The following TAGLN variants were observed in gnomAD, a reference collection of about 807,000 sequenced individuals.
TAGLN encodes 22 kDa actin-binding protein.
TAGLN carries 16 observed loss-of-function variants against 21.9 expected under a neutral mutation model. The ratio of observed to expected loss-of-function variants is 0.73; its 90% CI spans 0.49 to 1.11. TAGLN has a LOEUF of 1.11. Among genes scored for constraint, TAGLN ranks in the 50% least tolerant of loss-of-function variants. The pLI, the probability that TAGLN is intolerant of heterozygous loss-of-function variation, is 0.00. For synonymous variants in TAGLN, 96 were observed against 94.9 expected (o/e 1.01, Z -0.06); for missense variants, 248 against 263.2 (o/e 0.94, Z 0.40).
chr11:117,207,028 GTGAC>G lies in TAGLN; in HGVS notation c.*2672_*2675del. ...GGGCTCCCTAGGCGGCCCTTCCCCT[GTGAC>G]TGGCCTTCCCTCTGACACATGCGGC... is the stretch of plus-strand genomic sequence containing the variant. On this transcript the variant is annotated 3_prime_UTR_variant, in exon 5 of 5. Transcript: ENST00000392951. The G allele has an allele frequency of 6.5e-7, 1 of 1,531,764 alleles. No individual in the cohort carries two copies. The highest frequency in any genetic ancestry group is 1.1e-5 in the South Asian group (1 of 87,476). The allele number at this position is 1,531,764 out of a possible 1,614,324, so 94.9% of individuals were successfully genotyped here.
intron 1 of TAGLN, chr11:117,200,280 G>C (rs2031035829): frequency 6.6e-6 from 1 of 152,236 alleles, no homozygotes; most frequent in Admixed American, 6.5e-5. Flanking sequence ...TTTGGGAAGA[G>C]AGAAGGGGCA....
Position 117,203,998 on chromosome 11 carries a change from G to T in TAGLN, c.461+114G>T, listed in dbSNP as rs1434040534. The T allele has an allele frequency of 1.8e-6, 2 of 1,113,672 alleles. No individual in the cohort carries two copies. Among genetic ancestry groups the T allele is most frequent in the African/African-American group, 3.1e-5 (2 of 64,142 alleles). 69.0% of individuals were successfully genotyped at this position (1,113,672 alleles called of 1,614,324 possible). On this transcript the variant is annotated intron_variant, in intron 4 of 4. Coordinates refer to ENST00000392951, the MANE Select transcript of TAGLN (RefSeq NM_003186.5). The surrounding 1 kb of genome is among the most constrained non-coding windows in gnomAD (Gnocchi z 4.4). The stretch of plus-strand genomic sequence containing the variant: ...ATAGCCAAGAAAGGATAAAGTGAGG[G>T]TCTGGGATGGGGAATAATGGGTCCT...
chr11:117,199,824 AAGG>A (rs2031009319), intron 1 of TAGLN: 1 of 88,624 alleles, frequency 1.1e-5, no homozygotes, highest in Non-Finnish European at 3.5e-5. Context: ...GAGAACTTCC[AAGG>A]AGGTGAGGAG....
chr11:117,205,106 C>CAGAAAA lies in TAGLN; in HGVS notation c.*749_*754dup, dbSNP rs1420966766. 7 of 228,328 alleles carry CAGAAAA rather than the reference C, an allele frequency of 3.1e-5. No individual in the cohort carries two copies. The East Asian group carries it at 3.8e-4, about 12-fold the overall frequency. The allele number at this position is 228,328 out of a possible 1,614,324, so 14.1% of individuals were successfully genotyped here. On this transcript the variant is annotated 3_prime_UTR_variant, in exon 5 of 5. Coordinates refer to ENST00000392951, the MANE Select transcript of TAGLN (RefSeq NM_003186.5). ...AGGTTTTTATTTTGGAAAAGCTGTG[C>CAGAAAA]AGAAAAAAATTCAAGAAAATGTTGC...
At chr11:117,201,957 C>T (rs972706314) in intron 1 of TAGLN, 1 of 152,368 alleles carries the variant, frequency 6.6e-6, no homozygotes, top group African/African-American at 2.4e-5. Flanking sequence ...TTTCCTGTTC[C>T]TGTTCCCAGC....
rs780267555 is a variant in TAGLN at position 117,203,005 on chromosome 11, T to G, written c.-9T>G. 6.5e-7 allele frequency: 1 copy of G among 1,546,146 alleles called. No homozygotes were observed. Among genetic ancestry groups the G allele is most frequent in the Admixed American group, 1.9e-5 (1 of 51,286 alleles). On this transcript the variant is annotated 5_prime_UTR_variant, in exon 2 of 5. Coordinates refer to ENST00000392951, the MANE Select transcript of TAGLN (RefSeq NM_003186.5). This position sits in a 1 kb window ranked among gnomAD's most constrained non-coding sequence, Gnocchi z 4.4. ...CCTCCACCCTGGCCTGCTTTAGCTT[T>G]CCCCAGACATGGCCAACAAGGGTCC...
Position 117,204,672 on chromosome 11 carries a change from T to G in TAGLN, c.*313T>G. The stretch of plus-strand genomic sequence containing the variant: ...TAGCCTGGATGTGGGCCAAGTCCAC[T>G]GTCCTCCTTGGCGGCAAAAGCCCAT... On this transcript the variant is annotated 3_prime_UTR_variant, in exon 5 of 5. Coordinates refer to ENST00000392951, the MANE Select transcript of TAGLN (RefSeq NM_003186.5). 4.6e-6 allele frequency: 2 copies of G among 439,324 alleles called. No individual in the cohort carries two copies. The highest frequency in any genetic ancestry group is 4.5e-5 in the South Asian group (2 of 44,724). The allele number at this position is 439,324 out of a possible 1,614,324, so 27.2% of individuals were successfully genotyped here.
chr11:117,203,332 T>G lies in TAGLN; in HGVS notation c.206T>G (p.Leu69Arg). 6.2e-7 allele frequency: 1 copy of G among 1,614,214 alleles called. No individual in the cohort carries two copies. Among genetic ancestry groups the G allele is most frequent in the East Asian group, 2.2e-5 (1 of 44,886 alleles). The change falls in exon 3 of 5, where the codon CTG (leucine) becomes CGG (arginine). Residue 69 changes from leucine to arginine, a missense_variant. Physicochemically the swap from Leu to Arg is moderately radical, Grantham distance 102. Transcript: ENST00000392951. This position sits in a 1 kb window ranked among gnomAD's most constrained non-coding sequence, Gnocchi z 4.4. Reference protein sequence around the residue: ...GVILSKLVNSLYPDGSKPVKV... With the variant: ...GVILSKLVNSRYPDGSKPVKV... ...ATTCTGAGCAAGCTGGTGAACAGCC[T>G]GTACCCTGATGGCTCCAAGCCGGTG...
chr11:117,203,373 C>A lies in TAGLN; in HGVS notation c.247C>A (p.Pro83Thr), dbSNP rs1326374299. The A allele has an allele frequency of 1.9e-6, 3 of 1,614,166 alleles. No individual in the cohort carries two copies. In the East Asian group the frequency reaches 6.7e-5, roughly 36 times the overall value. ...GSKPVKVPEN[P>T]PSMVFKQMEQ... is the part of the protein sequence containing the mutation. ...CAAGCCGGTGAAGGTGCCCGAGAAC[C>A]CACCCTCCATGGTCTTCAAGCAGAT... The change falls in exon 3 of 5, where the codon CCA becomes ACA. Residue 83 changes from proline (P) to threonine (T), a missense_variant. Coordinates refer to ENST00000392951, the MANE Select transcript of TAGLN (RefSeq NM_003186.5). This position sits in a 1 kb window ranked among gnomAD's most constrained non-coding sequence, Gnocchi z 4.4.
rs756946116 is a variant in TAGLN, at chr11:117,203,526, A to C, written c.358+42A>C. Reference sequence around the variant, plus strand: ...TGGGGGAGGAGGTGGGCAGGAGGACAGGGTGCTGGGACAGGGAGAGGGAAT... The same window carrying C: ...TGGGGGAGGAGGTGGGCAGGAGGACCGGGTGCTGGGACAGGGAGAGGGAAT... On this transcript the variant is annotated intron_variant, in intron 3 of 4. Coordinates refer to ENST00000392951, the MANE Select transcript of TAGLN (RefSeq NM_003186.5). The surrounding 1 kb of genome is among the most constrained non-coding windows in gnomAD (Gnocchi z 4.4). 6.2e-7 allele frequency: 1 copy of C among 1,604,868 alleles called. No individual in the cohort carries two copies. The highest frequency in any genetic ancestry group is 1.7e-5 in the Admixed American group (1 of 59,762).
At position 117,203,560 on chromosome 11, in the gene TAGLN, T is replaced by C. The variant is rs1353134443; in HGVS notation, c.358+76T>C. Reference sequence around the variant, plus strand: ...GGACAGGGAGAGGGAATGACCAGAATATGCCACAACTAGGGGTGTGCTTGC... The same window carrying C: ...GGACAGGGAGAGGGAATGACCAGAACATGCCACAACTAGGGGTGTGCTTGC... On this transcript the variant is annotated intron_variant, in intron 3 of 4. Coordinates refer to ENST00000392951, the MANE Select transcript of TAGLN (RefSeq NM_003186.5). The surrounding 1 kb of genome is among the most constrained non-coding windows in gnomAD (Gnocchi z 4.4). 3 of 1,543,158 alleles carry C rather than the reference T, an allele frequency of 1.9e-6. No individual in the cohort carries two copies. Among genetic ancestry groups the C allele is most frequent in the Non-Finnish European group, 8.9e-7 (1 of 1,128,744 alleles).
Position 117,203,973 on chromosome 11 carries a change from A to G in TAGLN, c.461+89A>G. The G allele has an allele frequency of 7.9e-7, 1 of 1,259,422 alleles. No individual in the cohort carries two copies. Among genetic ancestry groups the G allele is most frequent in the Non-Finnish European group, 1.1e-6 (1 of 870,186 alleles). The allele number at this position is 1,259,422 out of a possible 1,614,324, so 78.0% of individuals were successfully genotyped here. A position where few individuals can be genotyped will look rare whatever the true frequency, so the allele number is the denominator to read the frequency against. On this transcript the variant is annotated intron_variant, in intron 4 of 4. Coordinates refer to ENST00000392951, the MANE Select transcript of TAGLN (RefSeq NM_003186.5). The surrounding 1 kb of genome is among the most constrained non-coding windows in gnomAD (Gnocchi z 4.4). ...TTGCGGGAAGGATTAGGGGAAGCAGATAGCCAAGAAAGGATAAAGTGAGGG... is the reference window on the plus strand; with the variant it reads ...TTGCGGGAAGGATTAGGGGAAGCAGGTAGCCAAGAAAGGATAAAGTGAGGG...
chr11:117,201,491 C>T (rs538371020), intron 1 of TAGLN: 21 of 152,326 alleles, frequency 1.4e-4, no homozygotes, highest in African/African-American at 3.9e-4. Flanking sequence ...AGCCTGGCTC[C>T]GGGCAGCAAA....
chr11:117,201,177 G>A (rs1430949481), intron 1 of TAGLN: 1 of 152,268 alleles, frequency 6.6e-6, no homozygotes, highest in Non-Finnish European at 1.5e-5. Context: ...TGGCATCACT[G>A]GCAGGGAGAG....
In TAGLN at chr11:117,204,362, C is replaced by A. The variant is rs765543678; in HGVS notation, c.*3C>A. On this transcript the variant is annotated 3_prime_UTR_variant, in exon 5 of 5. Transcript: ENST00000392951. ...GACCTCGGCAGATCATCAGTTAGAG[C>A]GGAGAGGGCTAGCCCTGAGCCCGGC... is the stretch of plus-strand genomic sequence containing the variant. 1 of 1,614,216 alleles carries A rather than the reference C, an allele frequency of 6.2e-7. No homozygotes were observed. Among genetic ancestry groups the A allele is most frequent in the South Asian group, 1.1e-5 (1 of 91,078 alleles).
Position 117,203,968 on chromosome 11 carries a change from A to C in TAGLN, c.461+84A>C. Reference sequence around the variant, plus strand: ...GGAGCTTGCGGGAAGGATTAGGGGAAGCAGATAGCCAAGAAAGGATAAAGT... The same window carrying C: ...GGAGCTTGCGGGAAGGATTAGGGGACGCAGATAGCCAAGAAAGGATAAAGT... On this transcript the variant is annotated intron_variant, in intron 4 of 4. Coordinates refer to ENST00000392951, the MANE Select transcript of TAGLN (RefSeq NM_003186.5). This position sits in a 1 kb window ranked among gnomAD's most constrained non-coding sequence, Gnocchi z 4.4. The C allele has an allele frequency of 7.8e-7, 1 of 1,285,932 alleles. No homozygotes were observed. The highest frequency in any genetic ancestry group is 1.2e-5 in the South Asian group (1 of 81,864). The allele number at this position is 1,285,932 out of a possible 1,614,324, so 79.7% of individuals were successfully genotyped here.
In TAGLN at chr11:117,204,715, A is replaced by C. The variant is rs2031266122; in HGVS notation, c.*356A>C. ...AAGCCCATTGAAGAAGAACCAGCCC[A>C]GCCTGCCCCCTATCTTGTCCTGGAA... On this transcript the variant is annotated 3_prime_UTR_variant, in exon 5 of 5. Transcript: ENST00000392951. 2.8e-6 allele frequency: 1 copy of C among 355,342 alleles called. No homozygotes were observed. Among genetic ancestry groups the C allele is most frequent in the Non-Finnish European group, 5.4e-6 (1 of 185,708 alleles). The allele number at this position is 355,342 out of a possible 1,614,324, so 22.0% of individuals were successfully genotyped here.
rs2031196852 is a variant in TAGLN, at chr11:117,203,584, G to C, written c.358+100G>C. 1 of 1,413,200 alleles carries C rather than the reference G, an allele frequency of 7.1e-7. No homozygotes were observed. Among genetic ancestry groups the C allele is most frequent in the Non-Finnish European group, 9.7e-7 (1 of 1,027,622 alleles). 87.5% of individuals were successfully genotyped at this position (1,413,200 alleles called of 1,614,324 possible). A position where few individuals can be genotyped will look rare whatever the true frequency, so the allele number is the denominator to read the frequency against. On this transcript the variant is annotated intron_variant, in intron 3 of 4. Transcript: ENST00000392951. This position sits in a 1 kb window ranked among gnomAD's most constrained non-coding sequence, Gnocchi z 4.4. ...ATATGCCACAACTAGGGGTGTGCTT[G>C]CCCGCACACAGCAGGGATGGGATAT...
Position 117,206,202 on chromosome 11 carries a change from G to A in TAGLN, c.*1843G>A. The A allele has an allele frequency of 6.2e-7, 1 of 1,614,096 alleles. No homozygotes were observed. The highest frequency in any genetic ancestry group is 8.5e-7 in the Non-Finnish European group (1 of 1,180,004). ...GCAAAGTGGCACTGATTCTAGCTCT[G>A]TCCCTTCCTCCTTGGCTTTCCGGCT... On this transcript the variant is annotated 3_prime_UTR_variant, in exon 5 of 5. Transcript: ENST00000392951.
Sources: gnomAD v4.1 joint callset for allele counts on GRCh38, gnomAD v4.1.1 for gene constraint, Gnocchi (gnomAD v3.1) non-coding constraint, MANE v1.5 for transcripts, NCBI Gene and HGNC (gene_info 2026-07-23, HGNC 2026-07-21) for gene names.